Variants in NEK11 observed in about 807,000 individuals in gnomAD.
NEK11 encodes the protein serine/threonine-protein kinase Nek11.
In NEK11, 72 loss-of-function variants were observed where a neutral mutation model predicts 80.7. The observed-to-expected ratio is 0.89, with a 90% CI of 0.74 to 1.08. NEK11 has a LOEUF of 1.08. Ranked by LOEUF, NEK11 falls within the 50% of genes least tolerant of loss-of-function variation. The pLI is 0.00. For synonymous variants in NEK11, 251 were observed against 260.7 expected (o/e 0.96, Z 0.36); for missense variants, 764 against 763.6 (o/e 1.00, Z -0.01).
chr3:131,263,900 C>A (rs1465402557), intron 16 of NEK11, among the ~76,000 whole-genome samples: 1 of 152,162 alleles, frequency 6.6e-6, no homozygotes, highest in Non-Finnish European at 1.5e-5. Flanking sequence ...TTAATGATCG[C>A]CATTCTAACT....
At chr3:131,298,359 T>A (rs1322042823) in intron 17 of NEK11, among the ~76,000 whole-genome samples, 2 of 151,892 alleles carry the variant, frequency 1.3e-5, no homozygotes, top group Middle Eastern at 3.2e-3. Flanking sequence ...GGTTTGTAGT[T>A]CTCCTTGAAG....
At chr3:131,175,097 T>A (rs984260131) in intron 14 of NEK11, 18 of 1,096,810 alleles carry the variant, frequency 1.6e-5, no homozygotes, top group Non-Finnish European at 2.0e-5. Context: ...TCTTTTTAAA[T>A]GTCCAAGTGG....
At chr3:131,096,087 T>C (rs868763828) in intron 4 of NEK11, among the ~76,000 whole-genome samples, 1 of 152,172 alleles carries the variant, frequency 6.6e-6, no homozygotes, top group African/African-American at 2.4e-5. Context: ...ATTTTTGTTA[T>C]AGAGGGTACA....
intron 3 of NEK11, among the ~76,000 whole-genome samples, chr3:131,066,480 C>G (rs1469867045): frequency 1.3e-5 from 2 of 152,018 alleles, no homozygotes. Flanking sequence ...TGGACTTTGA[C>G]TTCATAAACT....
At chr3:131,173,176 A>G (rs1166352127) in intron 14 of NEK11, among the ~76,000 whole-genome samples, 1 of 152,158 alleles carries the variant, frequency 6.6e-6, no homozygotes, top group Non-Finnish European at 1.5e-5. Context: ...TCATGGAGTA[A>G]TCACTCTTTT....
At chr3:131,078,831 T>A (rs777487910) in intron 3 of NEK11, among the ~76,000 whole-genome samples, 10 of 151,498 alleles carry the variant, frequency 6.6e-5, no homozygotes, top group South Asian at 2.1e-4. Context: ...TTTTTGGCTG[T>A]ATAGCCAGCA....
intron 13 of NEK11, among the ~76,000 whole-genome samples, chr3:131,169,948 A>G (rs929792157): frequency 2.6e-5 from 4 of 152,214 alleles, no homozygotes; most frequent in Non-Finnish European, 5.9e-5. Flanking sequence ...GCCTCCTGAA[A>G]CAATTATTAT....
rs532072658 is a variant in NEK11, at chr3:131,155,646, G to A, written c.962+525G>A. Among the ~76,000 whole-genome samples, 7 of 152,102 alleles carry A rather than the reference G, an allele frequency of 4.6e-5. No homozygotes were observed. The East Asian group carries it at 7.7e-4, about 17-fold the overall frequency. The stretch of plus-strand genomic sequence containing the variant: ...TGATCTAACTTCTCTCTCCTACCTC[G>A]TTCAAAATTTTTGTTCTATAACTTG... On this transcript the variant is annotated intron_variant, in intron 10 of 17. Transcript: ENST00000383366.
intron 15 of NEK11, among the ~76,000 whole-genome samples, chr3:131,232,156 C>T (rs905581893): frequency 5.3e-5 from 8 of 152,138 alleles, no homozygotes; most frequent in African/African-American, 1.4e-4. Context: ...GTTGATGGCT[C>T]CTCTGCCAAG....
chr3:131,124,918 G>A (rs1370162841), intron 5 of NEK11, among the ~76,000 whole-genome samples: 1 of 152,132 alleles, frequency 6.6e-6, no homozygotes, highest in Non-Finnish European at 1.5e-5. Flanking sequence ...GCCTTTCTAG[G>A]CCTTGATTTC....
chr3:131,235,604 G>T (rs1420450129), intron 15 of NEK11, among the ~76,000 whole-genome samples: 1 of 152,004 alleles, frequency 6.6e-6, no homozygotes, highest in Admixed American at 6.6e-5. Flanking sequence ...AAGGCACAGG[G>T]GTCTATGTCA....
chr3:131,129,181 G>A (rs2083937669), intron 5 of NEK11, among the ~76,000 whole-genome samples: 1 of 150,026 alleles, frequency 6.7e-6, no homozygotes, highest in Non-Finnish European at 1.5e-5. Flanking sequence ...CTCCCAAGTA[G>A]CTGGGACTAC....
intron 3 of NEK11, among the ~76,000 whole-genome samples, chr3:131,052,784 T>C (rs2068661253): frequency 6.6e-6 from 1 of 152,178 alleles, no homozygotes; most frequent in Non-Finnish European, 1.5e-5. Flanking sequence ...CCTAAAGCCC[T>C]ACAGCACCAA....
rs1240343836 is a variant in NEK11, at chr3:131,098,017, T to C, written c.337-11786T>C. On this transcript the variant is annotated intron_variant, in intron 4 of 17. Transcript: ENST00000383366. ...ATAATGCCGCATATCTACAACTATC[T>C]GATCTTTGACAAACCTGAGAAAAAC... Among the ~76,000 whole-genome samples the C allele has an allele frequency of 1.4e-5, 2 of 145,534 alleles. 1 individual carries two copies. The highest frequency in any genetic ancestry group is 3.1e-5 in the Non-Finnish European group (2 of 64,432).
chr3:131,039,745 A>G (rs1470836538), intron 3 of NEK11, among the ~76,000 whole-genome samples: 4 of 152,232 alleles, frequency 2.6e-5, no homozygotes, highest in Admixed American at 2.6e-4. Flanking sequence ...GAGAAGGGGG[A>G]AAATTCTCAA....
At chr3:131,031,884 C>T (rs2064906553) in intron 3 of NEK11, among the ~76,000 whole-genome samples, 1 of 152,134 alleles carries the variant, frequency 6.6e-6, no homozygotes, top group Non-Finnish European at 1.5e-5. Context: ...GAATCTAAAA[C>T]ATATTGCATA....
At chr3:131,274,079 G>C (rs2096249298) in intron 17 of NEK11, among the ~76,000 whole-genome samples, 1 of 149,736 alleles carries the variant, frequency 6.7e-6, no homozygotes, top group Non-Finnish European at 1.5e-5. Context: ...TCTAGCATTA[G>C]GTATATCTCC....
rs773807192 is a variant in NEK11, at chr3:131,170,859, G to C, written c.1371G>C (p.Glu457Asp). The C allele has an allele frequency of 6.2e-7, 1 of 1,613,596 alleles. No homozygotes were observed. The highest frequency in any genetic ancestry group is 8.5e-7 in the Non-Finnish European group (1 of 1,179,514). ...TCCACGAACTTGAATCAATTGTAGAGGATGCCACATCTGACCTTGGATACC... is the reference window on the plus strand; with the variant it reads ...TCCACGAACTTGAATCAATTGTAGACGATGCCACATCTGACCTTGGATACC... ...MDLHELESIV[E>D]DATSDLGYHE... is the part of the protein sequence containing the mutation. Residue 457 changes from glutamate (E) to aspartate (D), a missense_variant, in exon 14 of 18, where the codon GAG becomes GAC. By Grantham distance (45) the Glu-to-Asp change is conservative. Coordinates refer to ENST00000383366, the MANE Select transcript of NEK11 (RefSeq NM_024800.5).
At chr3:131,102,702 G>A (rs1027169045) in intron 4 of NEK11, among the ~76,000 whole-genome samples, 7 of 151,882 alleles carry the variant, frequency 4.6e-5, no homozygotes, top group South Asian at 2.1e-4. Context: ...GTATTTATTC[G>A]TTTTGCATGT....
Sources: gnomAD v4.1 joint callset for allele counts (sites outside exome capture counted in the v4.1 genomes callset) on GRCh38, gnomAD v4.1.1 for gene constraint, MANE v1.5 for transcripts, NCBI Gene and HGNC (gene_info 2026-07-23, HGNC 2026-07-21) for gene names.